GTF2E1: variants seen among roughly 807,000 people sequenced by gnomAD.
GTF2E1 encodes the protein general transcription factor IIE subunit 1, also known as TFIIE alpha subunit.
GTF2E1 carries 14 observed loss-of-function variants against 34.9 expected under a neutral mutation model. The observed-to-expected ratio is 0.40, with a 90% CI of 0.27 to 0.63. GTF2E1 has a LOEUF of 0.63. Ranked by LOEUF, GTF2E1 falls within the 20% of genes least tolerant of loss-of-function variation. GTF2E1 has a pLI of 0.39. For synonymous variants in GTF2E1, 188 were observed against 192.9 expected (o/e 0.97, Z 0.21); for missense variants, 469 against 557.7 (o/e 0.84, Z 1.60).
chr3:120,751,897 C>G (rs1373874539), intron 2 of GTF2E1, among the ~76,000 whole-genome samples: 2 of 152,036 alleles, frequency 1.3e-5, no homozygotes. Context: ...TTTTTAAAAA[C>G]TTCGTCTGAA....
At chr3:120,752,250 C>T (rs917418820) in intron 2 of GTF2E1, among the ~76,000 whole-genome samples, 1 of 152,130 alleles carries the variant, frequency 6.6e-6, no homozygotes, top group African/African-American at 2.4e-5. Context: ...TAACCATCCT[C>T]GGTATGAGAA....
intron 1 of GTF2E1, 46 bp from the exon 2 acceptor site, chr3:120,750,476 AC>A (rs1709154951): frequency 8.9e-7 from 1 of 1,121,116 alleles, no homozygotes; most frequent in Admixed American, 2.1e-5. Flanking sequence ...GGATATGATT[AC>A]CATGTTCTTA....
In GTF2E1 at chr3:120,750,847, C is replaced by T. The variant is rs1709159233; in HGVS notation, c.295C>T (p.Leu99Phe). The T allele has an allele frequency of 6.2e-7, 1 of 1,614,004 alleles. No individual in the cohort carries two copies. The highest frequency in any genetic ancestry group is 8.5e-7 in the Non-Finnish European group (1 of 1,179,940). Residue 99 changes from leucine to phenylalanine, a missense_variant, in exon 2 of 5, where the codon CTT becomes TTT. By Grantham distance (22) the Leu-to-Phe change is conservative (BLOSUM62 0). Coordinates refer to ENST00000283875, the MANE Select transcript of GTF2E1 (RefSeq NM_005513.3). ...HNYYFINYRT[L>F]VNVVKYKLDH... is the part of the protein sequence containing the mutation. ...CTACTACTTCATCAATTATCGTACT[C>T]TTGTTAATGTGGTAAAATATAAACT...
intron 2 of GTF2E1, among the ~76,000 whole-genome samples, chr3:120,761,813 C>T (rs1308846342): frequency 3.9e-5 from 5 of 127,988 alleles, no homozygotes; most frequent in South Asian, 2.4e-4. Flanking sequence ...TTTTTTGAGA[C>T]GTAGTCTCGC....
At chr3:120,744,093 T>C (rs1709083540) in intron 1 of GTF2E1, among the ~76,000 whole-genome samples, 1 of 151,902 alleles carries the variant, frequency 6.6e-6, no homozygotes. Context: ...GCTTATTGTT[T>C]CCATGTGGGA....
At chr3:120,745,575 C>A (rs1198366521) in intron 1 of GTF2E1, among the ~76,000 whole-genome samples, 1 of 152,114 alleles carries the variant, frequency 6.6e-6, no homozygotes, top group South Asian at 2.1e-4. Flanking sequence ...ATTCTTAAAA[C>A]GTTCCCTAGA....
intron 3 of GTF2E1, among the ~76,000 whole-genome samples, 157 bp downstream of exon 3, chr3:120,771,086 G>A (rs940134961): frequency 1.3e-5 from 2 of 152,102 alleles, no homozygotes; most frequent in South Asian, 2.1e-4. Flanking sequence ...TCTGATTAAC[G>A]TGTGCCTGTG....
chr3:120,766,597 A>G (rs1709311265), intron 2 of GTF2E1, among the ~76,000 whole-genome samples: 1 of 151,750 alleles, frequency 6.6e-6, no homozygotes, highest in African/African-American at 2.4e-5. Context: ...CTTCTCCTTC[A>G]TCTTTTATCT....
chr3:120,759,532 A>G (rs925995643), intron 2 of GTF2E1, among the ~76,000 whole-genome samples: 1 of 151,910 alleles, frequency 6.6e-6, no homozygotes, highest in Non-Finnish European at 1.5e-5. Flanking sequence ...GTCCTGAATG[A>G]TATTGCCTAG....
chr3:120,771,161 G>A (rs1709347474), intron 3 of GTF2E1, among the ~76,000 whole-genome samples: 1 of 152,034 alleles, frequency 6.6e-6, no homozygotes, highest in Admixed American at 6.6e-5. Context: ...TAAATATTTA[G>A]GTTTGACTTC....
chr3:120,779,295 G>A (rs1709427598), intron 4 of GTF2E1, among the ~76,000 whole-genome samples: 2 of 152,100 alleles, frequency 1.3e-5, no homozygotes, highest in South Asian at 4.2e-4. Context: ...AAACTATTTG[G>A]AACATTCTTT....
intron 1 of GTF2E1, among the ~76,000 whole-genome samples, chr3:120,744,527 G>T (rs1309778071): frequency 6.6e-6 from 1 of 152,138 alleles, no homozygotes; most frequent in African/African-American, 2.4e-5. Flanking sequence ...CTCGTCAGGG[G>T]TCACCTATTT....
chr3:120,768,294 A>C (rs538758869), intron 2 of GTF2E1, among the ~76,000 whole-genome samples: 4 of 152,270 alleles, frequency 2.6e-5, no homozygotes, highest in Admixed American at 2.6e-4. Flanking sequence ...GAGATGAGCC[A>C]TGTGATTTTC....
At position 120,742,782 on chromosome 3, in the gene GTF2E1, A is replaced by T; in HGVS notation, c.-43A>T. 2.0e-6 allele frequency: 1 copy of T among 507,694 alleles called. No individual in the cohort carries two copies. The highest frequency in any genetic ancestry group is 3.6e-6 in the Non-Finnish European group (1 of 279,556). The allele number at this position is 507,694 out of a possible 1,614,324, so 31.4% of individuals were successfully genotyped here. ...GGGGCAGCTGTAGTGGGAGTGTTCC[A>T]GGATTCGCCTTGGTAAACCTTGTTC... On this transcript the variant is annotated 5_prime_UTR_variant, in exon 1 of 5. Coordinates refer to ENST00000283875, the MANE Select transcript of GTF2E1 (RefSeq NM_005513.3).
At chr3:120,768,355 CAG>C (rs1228074724) in intron 2 of GTF2E1, among the ~76,000 whole-genome samples, 1 of 152,096 alleles carries the variant, frequency 6.6e-6, no homozygotes, top group Non-Finnish European at 1.5e-5. Context: ...GGCTCTGCAG[CAG>C]AGTGTGCCTG....
intron 3 of GTF2E1, among the ~76,000 whole-genome samples, chr3:120,774,955 A>G (rs1709385963): frequency 6.6e-6 from 1 of 152,200 alleles, no homozygotes; most frequent in Non-Finnish European, 1.5e-5. Flanking sequence ...CACAAGTAGC[A>G]TGGCCCTATA....
intron 2 of GTF2E1, among the ~76,000 whole-genome samples, chr3:120,761,563 T>C (rs1380955388): frequency 6.6e-6 from 1 of 152,222 alleles, no homozygotes; most frequent in Non-Finnish European, 1.5e-5. Flanking sequence ...CATTTAGTGC[T>C]ATAAATTTCC....
In GTF2E1 at chr3:120,751,117, G is replaced by A. The variant is rs1709161777; in HGVS notation, c.448+117G>A. The stretch of plus-strand genomic sequence containing the variant: ...TATTATTATAAAAGTGAATGGATCA[G>A]TGTAAATCACAGCATACAGTCAGTC... On this transcript the variant is annotated intron_variant, in intron 2 of 4. Coordinates refer to ENST00000283875, the MANE Select transcript of GTF2E1 (RefSeq NM_005513.3). The A allele has an allele frequency of 6.0e-6, 4 of 665,834 alleles. No homozygotes were observed. In the South Asian group the frequency reaches 6.2e-5, roughly 10 times the overall value. The allele number at this position is 665,834 out of a possible 1,614,324, so 41.2% of individuals were successfully genotyped here.
At chr3:120,761,822 G>A (rs1321044785) in intron 2 of GTF2E1, among the ~76,000 whole-genome samples, 4 of 133,746 alleles carry the variant, frequency 3.0e-5, no homozygotes, top group African/African-American at 1.2e-4. Flanking sequence ...ACGTAGTCTC[G>A]CTCTTCTGCC....
Sources: allele counts gnomAD v4.1 joint callset (sites outside exome capture counted in the v4.1 genomes callset), GRCh38; gene constraint gnomAD v4.1.1; transcripts MANE v1.5; gene names NCBI Gene and HGNC (gene_info 2026-07-23, HGNC 2026-07-21).